Variants in CFAP47 observed in about 807,000 individuals in gnomAD.
CFAP47 encodes the protein cilia- and flagella-associated protein 47.
CFAP47 carries 29 observed loss-of-function variants against 148.1 expected under a neutral mutation model. The ratio of observed to expected loss-of-function variants is 0.20; its 90% CI spans 0.15 to 0.27. The LOEUF (loss-of-function observed/expected upper bound fraction) is 0.27. Among genes scored for constraint, CFAP47 ranks in the 10% least tolerant of loss-of-function variants. CFAP47 has a pLI of 1.00. For missense variants in CFAP47, 1,872 were observed against 1,697.5 expected (o/e 1.10, Z -1.81); for synonymous variants, 664 against 577.3 (o/e 1.15, Z -2.15).
At position 36,251,429 on chromosome X, in the gene CFAP47, C is replaced by T. The variant is rs781837382; in HGVS notation, c.7429C>T (p.Arg2477Cys). ...LYLIHVRPWK[R>C]GILKGTITFS... ...CCTGATTCATGTGCGCCCTTGGAAA[C>T]GTGGTATATTGAAAGGTATAAAATC... is the stretch of plus-strand genomic sequence containing the variant. The change falls in exon 49 of 64, where the codon CGT becomes TGT. Residue 2477 changes from arginine to cysteine, a missense_variant. Arg to Cys is a radical substitution (Grantham distance 180). Coordinates refer to ENST00000378653, the MANE Select transcript of CFAP47 (RefSeq NM_001304548.2). The T allele has an allele frequency of 2.0e-6, 1 of 501,394 alleles. No individual in the cohort carries two copies. Among genetic ancestry groups the T allele is most frequent in the African/African-American group, 2.3e-5 (1 of 43,061 alleles). 41.3% of individuals were successfully genotyped at this position (501,394 alleles called of 1,213,427 possible).
At chrX:36,049,488 T>TCACACA (rs397895931) in intron 26 of CFAP47, among the ~76,000 whole-genome samples, 1,287 of 92,240 alleles carry the variant, frequency 0.014, 8 homozygotes, top group East Asian at 0.024. Flanking sequence ...TTTCTCTCTC[T>TCACACA]CACACACACA....
intron 62 of CFAP47, among the ~76,000 whole-genome samples, chrX:36,378,652 G>C (rs1160175386): frequency 9.0e-6 from 1 of 111,676 alleles, no homozygotes; most frequent in African/African-American, 3.3e-5. Flanking sequence ...CGATTCTCCT[G>C]TCTCAGCCTC....
At chrX:36,144,961 G>GA in intron 35 of CFAP47, 2 of 678,789 alleles carry the variant, frequency 2.9e-6, no homozygotes, top group Non-Finnish European at 4.1e-6. Flanking sequence ...GCTTCCCTGG[G>GA]AGCCCCTATT....
At chrX:36,135,064 C>T (rs1275567798) in intron 33 of CFAP47, among the ~76,000 whole-genome samples, 3 of 110,860 alleles carry the variant, frequency 2.7e-5, no homozygotes, top group Non-Finnish European at 5.7e-5. Flanking sequence ...TATGTTTTCA[C>T]TCATAAGTGG....
intron 17 of CFAP47, among the ~76,000 whole-genome samples, chrX:35,992,736 A>G (rs1470072759): frequency 9.0e-6 from 1 of 111,428 alleles, no homozygotes; most frequent in Non-Finnish European, 1.9e-5. Context: ...GAAGATCAAA[A>G]TGATATCTTA....
In CFAP47 at chrX:36,299,041, A is replaced by G; in HGVS notation, c.7751A>G (p.Gln2584Arg). Residue 2584 changes from glutamine to arginine, a missense_variant, in exon 52 of 64, where the codon CAG becomes CGG. Physicochemically the swap from Gln to Arg is conservative, Grantham distance 43 (BLOSUM62 1). Transcript: ENST00000378653. ...PKDRGLHLEV[Q>R]LTSAALNGDN... ...GATAGAGGTCTTCACTTAGAGGTGC[A>G]GTTAACGAGTGCTGCCCTTAATGGG... 8.7e-7 allele frequency: 1 copy of G among 1,144,202 alleles called. No individual in the cohort carries two copies. The highest frequency in any genetic ancestry group is 3.3e-5 in the East Asian group (1 of 30,503). The allele number at this position is 1,144,202 out of a possible 1,213,427, so 94.3% of individuals were successfully genotyped here.
At chrX:36,136,842 T>C (rs1939053631) in intron 33 of CFAP47, among the ~76,000 whole-genome samples, 1 of 111,918 alleles carries the variant, frequency 8.9e-6, no homozygotes, top group Non-Finnish European at 1.9e-5. Flanking sequence ...ATATCAAAAA[T>C]GTTATTTATA....
intron 29 of CFAP47, among the ~76,000 whole-genome samples, chrX:36,082,100 G>A (rs752898496): frequency 9.0e-6 from 1 of 111,473 alleles, no homozygotes; most frequent in Non-Finnish European, 1.9e-5. Context: ...TTATTTTTTT[G>A]AGGAACCTCC....
chrX:35,952,476 C>G (rs983400528), intron 6 of CFAP47, among the ~76,000 whole-genome samples: 4 of 112,065 alleles, frequency 3.6e-5, no homozygotes, highest in Non-Finnish European at 7.5e-5. Context: ...ATTCCATGAA[C>G]TTTGTTTTGT....
chrX:36,055,308 CT>C (rs771754991), intron 26 of CFAP47, among the ~76,000 whole-genome samples: 49 of 110,798 alleles, frequency 4.4e-4, no homozygotes, highest in African/African-American at 1.6e-3. Context: ...ATTCCTGAAG[CT>C]TTCTCTCCCC....
chrX:36,259,763 G>T (rs1401209296), intron 49 of CFAP47, among the ~76,000 whole-genome samples: 1 of 110,666 alleles, frequency 9.0e-6, no homozygotes, highest in East Asian at 2.8e-4. Flanking sequence ...TTGTTACATG[G>T]ATAAATTGCA....
At chrX:36,237,021 C>A (rs1222639386) in intron 48 of CFAP47, among the ~76,000 whole-genome samples, 162 bp downstream of exon 48, 2 of 111,955 alleles carry the variant, frequency 1.8e-5, no homozygotes, top group African/African-American at 6.5e-5. Flanking sequence ...AGTCCAACAG[C>A]TTTTAAATAT....
chrX:36,185,207 C>A (rs911066392), intron 40 of CFAP47, among the ~76,000 whole-genome samples: 18 of 110,564 alleles, frequency 1.6e-4, no homozygotes, highest in African/African-American at 5.0e-4. Flanking sequence ...AGACAGTCTT[C>A]TTGCTGCATC....
At chrX:35,990,737 C>T (rs185651397) in intron 16 of CFAP47, among the ~76,000 whole-genome samples, 1 of 111,115 alleles carries the variant, frequency 9.0e-6, no homozygotes, top group East Asian at 2.8e-4. Context: ...AGTCATGGGT[C>T]TACTTTCTTA....
intron 3 of CFAP47, among the ~76,000 whole-genome samples, chrX:35,947,978 G>A (rs747616745): frequency 1.7e-4 from 19 of 111,542 alleles, no homozygotes; most frequent in Non-Finnish European, 3.0e-4. Context: ...TTAATTCTTG[G>A]TACACTGTAG....
chrX:36,123,963 C>G (rs1306203035), intron 33 of CFAP47, among the ~76,000 whole-genome samples: 2 of 111,314 alleles, frequency 1.8e-5, no homozygotes, highest in Admixed American at 1.9e-4. Flanking sequence ...GGTATCACTG[C>G]TGGTTATTCA....
chrX:36,195,273 C>A (rs1939908057), intron 42 of CFAP47, among the ~76,000 whole-genome samples: 1 of 112,004 alleles, frequency 8.9e-6, no homozygotes, highest in South Asian at 3.7e-4. Flanking sequence ...GCCAATAAAA[C>A]AAAGAGACTG....
intron 33 of CFAP47, among the ~76,000 whole-genome samples, chrX:36,132,729 G>A (rs758956994): frequency 5.4e-5 from 6 of 111,607 alleles, no homozygotes; most frequent in African/African-American, 1.3e-4. Context: ...TCACATCATC[G>A]CCTTGGAAGA....
chrX:36,179,464 G>A, intron 40 of CFAP47, 42 bp downstream of exon 40: 1 of 293,693 alleles, frequency 3.4e-6, no homozygotes, highest in East Asian at 4.8e-5. Flanking sequence ...CTGAGAAAAA[G>A]TTTTGAGAAA....
Sources: gnomAD v4.1 joint callset for allele counts (sites outside exome capture counted in the v4.1 genomes callset) on GRCh38, gnomAD v4.1.1 for gene constraint, MANE v1.5 for transcripts, NCBI Gene and HGNC (gene_info 2026-07-23, HGNC 2026-07-21) for gene names.